The following KLHL3 variants were observed in gnomAD, a reference collection of about 807,000 sequenced individuals.
KLHL3 encodes the protein kelch-like protein 3.
A neutral mutation model predicts 70.5 loss-of-function variants in KLHL3; 19 were observed. The ratio of observed to expected loss-of-function variants is 0.27; its 90% confidence interval spans 0.19 to 0.40. The LOEUF (loss-of-function observed/expected upper bound fraction) is 0.40. Ranked by LOEUF, KLHL3 falls within the 10% of genes least tolerant of loss-of-function variation. The pLI is 1.00. For missense variants in KLHL3, 512 were observed against 771.1 expected (o/e 0.66, Z 3.98); for synonymous variants, 258 against 290.3 (o/e 0.89, Z 1.13).
At chr5:137,705,411 C>A (rs1752666342) in intron 3 of KLHL3, among the ~76,000 whole-genome samples, 1 of 152,230 alleles carries the variant, frequency 6.6e-6, no homozygotes. Flanking sequence ...GTCTAAGCCC[C>A]TTGTCTCTCA....
intron 11 of KLHL3, among the ~76,000 whole-genome samples, chr5:137,635,242 C>A (rs147697299): frequency 6.6e-6 from 1 of 152,180 alleles, no homozygotes; most frequent in Non-Finnish European, 1.5e-5. Context: ...CTATCATCAT[C>A]GAGCCTGGCT....
intron 7 of KLHL3, chr5:137,660,901 T>C (rs1433167565): frequency 6.5e-6 from 1 of 152,708 alleles, no homozygotes; most frequent in Non-Finnish European, 1.5e-5. Context: ...CAGTATTATA[T>C]GGCTGGAAAG....
chr5:137,671,569 C>A (rs184784324), intron 6 of KLHL3, among the ~76,000 whole-genome samples: 2 of 152,144 alleles, frequency 1.3e-5, no homozygotes, highest in African/African-American at 4.8e-5. Context: ...GAGCTATCTA[C>A]GGTTAATGAG....
At chr5:137,655,667 T>C (rs1268789653) in intron 8 of KLHL3, among the ~76,000 whole-genome samples, 2 of 152,058 alleles carry the variant, frequency 1.3e-5, no homozygotes, top group African/African-American at 4.8e-5. Flanking sequence ...CCTAACCTCT[T>C]TCATGTACAA....
intron 5 of KLHL3, among the ~76,000 whole-genome samples, chr5:137,682,899 T>G (rs1398012398): frequency 2.0e-5 from 3 of 152,184 alleles, no homozygotes; most frequent in Admixed American, 2.0e-4. Context: ...CTTCACGGAA[T>G]GAAATAAACC....
intron 6 of KLHL3, chr5:137,677,317 G>T: frequency 2.8e-6 from 1 of 353,080 alleles, no homozygotes; most frequent in East Asian, 4.7e-5. Context: ...GCATGGTGGC[G>T]GGTGCCTATA....
intron 8 of KLHL3, among the ~76,000 whole-genome samples, chr5:137,657,783 C>T (rs1050898387): frequency 4.6e-5 from 7 of 152,184 alleles, no homozygotes; most frequent in Admixed American, 4.6e-4. Context: ...ACTACTATGG[C>T]CATCACTAAG....
intron 8 of KLHL3, among the ~76,000 whole-genome samples, chr5:137,656,708 G>A (rs1270211075): frequency 6.6e-6 from 1 of 152,352 alleles, no homozygotes; most frequent in African/African-American, 2.4e-5. Context: ...CTTGCCTTGC[G>A]GCTGTGCCTT....
intron 4 of KLHL3, among the ~76,000 whole-genome samples, chr5:137,694,689 T>C (rs1479724779): frequency 2.0e-5 from 3 of 152,190 alleles, no homozygotes; most frequent in South Asian, 2.1e-4. Context: ...GTCAAGGCCA[T>C]AGGTTGACCA....
intron 12 of KLHL3, among the ~76,000 whole-genome samples, chr5:137,630,521 G>A (rs1000051960): frequency 2.0e-5 from 3 of 152,144 alleles, no homozygotes; most frequent in African/African-American, 7.2e-5. Flanking sequence ...ACACATCTCA[G>A]GGTGTGCTGC....
intron 12 of KLHL3, chr5:137,628,929 T>C (rs1204949252): frequency 6.6e-6 from 1 of 152,276 alleles, no homozygotes; most frequent in South Asian, 2.1e-4. Flanking sequence ...GCTGTATTAC[T>C]TACTCATCCT....
chr5:137,635,309 G>A (rs75624526), intron 11 of KLHL3, among the ~76,000 whole-genome samples: 20 of 152,156 alleles, frequency 1.3e-4, no homozygotes, highest in Admixed American at 2.0e-4. Flanking sequence ...GAAACACATC[G>A]TCCTCAGTTC....
chr5:137,693,769 C>CT, intron 4 of KLHL3, among the ~76,000 whole-genome samples: 1 of 152,314 alleles, frequency 6.6e-6, no homozygotes, highest in South Asian at 2.1e-4. Flanking sequence ...GCCAGCTACA[C>CT]TCTAGCTGTT....
chr5:137,665,335 AT>A (rs1391866295), intron 6 of KLHL3, among the ~76,000 whole-genome samples: 1 of 152,194 alleles, frequency 6.6e-6, no homozygotes, highest in African/African-American at 2.4e-5. Context: ...GTTAGATAAT[AT>A]TCCTAGATCA....
chr5:137,663,246 G>A (rs566585237), intron 6 of KLHL3, among the ~76,000 whole-genome samples: 5 of 151,230 alleles, frequency 3.3e-5, no homozygotes, highest in African/African-American at 9.7e-5. Context: ...TAGTAGAGAC[G>A]GGGTTTCACC....
At chr5:137,672,110 G>A (rs987911440) in intron 6 of KLHL3, among the ~76,000 whole-genome samples, 9 of 152,188 alleles carry the variant, frequency 5.9e-5, no homozygotes, top group African/African-American at 1.2e-4. Context: ...AAGGTAGGGC[G>A]TTAACAGATC....
chr5:137,672,309 C>T (rs532166750), intron 6 of KLHL3, among the ~76,000 whole-genome samples: 2 of 152,326 alleles, frequency 1.3e-5, no homozygotes, highest in South Asian at 2.1e-4. Context: ...CCTCCCACAA[C>T]CACCTTGCTG....
chr5:137,667,294 T>C (rs186261471), intron 6 of KLHL3, among the ~76,000 whole-genome samples: 1 of 152,360 alleles, frequency 6.6e-6, no homozygotes, highest in Admixed American at 6.5e-5. Flanking sequence ...GCAGAGACTA[T>C]AGATTCAATC....
intron 4 of KLHL3, among the ~76,000 whole-genome samples, chr5:137,695,244 C>G (rs1413739174): frequency 6.6e-6 from 1 of 152,202 alleles, no homozygotes; most frequent in East Asian, 1.9e-4. Flanking sequence ...TTTCAACTTC[C>G]CTACTGTTCA....
Sources: allele counts gnomAD v4.1 joint callset (sites outside exome capture counted in the v4.1 genomes callset), GRCh38; gene constraint gnomAD v4.1.1; transcripts MANE v1.5; gene names NCBI Gene and HGNC (gene_info 2026-07-23, HGNC 2026-07-21).